The following VPS35L variants were observed in gnomAD, a reference collection of about 807,000 sequenced individuals.
VPS35L encodes VPS35 endosomal protein sorting factor like, also known as VPS35 endosomal protein-sorting factor-like.
Under a neutral mutation model 133.0 loss-of-function variants are expected in VPS35L, and 83 were observed. The ratio of observed to expected loss-of-function variants is 0.62; its 90% CI spans 0.52 to 0.75. The LOEUF is 0.75. Among genes scored for constraint, VPS35L ranks in the 30% least tolerant of loss-of-function variants. VPS35L has a pLI of 0.00. For missense variants in VPS35L, 1,083 were observed against 1,206.8 expected, an observed-to-expected ratio of 0.90 and a Z score of 1.52; for synonymous variants, 423 against 449.9, an observed-to-expected ratio of 0.94 and a Z score of 0.76.
intron 19 of VPS35L, among the ~76,000 whole-genome samples, chr16:19,636,638 G>A (rs189156341): frequency 2.8e-4 from 43 of 152,248 alleles, no homozygotes; most frequent in African/African-American, 7.5e-4. Flanking sequence ...GGCACATAAC[G>A]TTCTTCATGT....
chr16:19,562,603 A>C (rs138610536), intron 1 of VPS35L, among the ~76,000 whole-genome samples: 452 of 152,278 alleles, frequency 3.0e-3, no homozygotes, highest in Non-Finnish European at 4.9e-3. Flanking sequence ...TTGCATAAAC[A>C]ATTTGGTTAA....
intron 26 of VPS35L, 67 bp downstream of exon 26, chr16:19,652,157 C>A (rs549647689): frequency 9.2e-7 from 1 of 1,083,410 alleles, no homozygotes; most frequent in Non-Finnish European, 1.4e-6. Flanking sequence ...CAGGTGTGTG[C>A]GTATGTGTGT....
chr16:19,595,434 G>A (rs114368338), intron 8 of VPS35L, among the ~76,000 whole-genome samples: 6,180 of 152,118 alleles, frequency 0.041, 443 homozygotes, highest in African/African-American at 0.14. Context: ...GCTTACCTTC[G>A]GCGAGTGTGA....
chr16:19,578,020 C>T (rs1971587993), intron 5 of VPS35L, among the ~76,000 whole-genome samples: 1 of 152,214 alleles, frequency 6.6e-6, no homozygotes, highest in Admixed American at 6.5e-5. Flanking sequence ...TCCAGCATTC[C>T]ACTACTAGGG....
chr16:19,595,680 C>CT, intron 8 of VPS35L, among the ~76,000 whole-genome samples: 1 of 152,374 alleles, frequency 6.6e-6, no homozygotes, highest in Non-Finnish European at 1.5e-5. Context: ...GGCAGCCACT[C>CT]TGCCAGCTCC....
chr16:19,663,669 CTTTTTTTT>C (rs59826351), intron 26 of VPS35L, among the ~76,000 whole-genome samples: 3 of 63,918 alleles, frequency 4.7e-5, no homozygotes, highest in African/African-American at 7.2e-5. Context: ...GCAGTAATTT[CTTTTTTTT>C]TTTTTTTTTT....
At chr16:19,584,339 C>G (rs1398193637) in intron 7 of VPS35L, among the ~76,000 whole-genome samples, 3 of 152,040 alleles carry the variant, frequency 2.0e-5, no homozygotes, top group Admixed American at 2.0e-4. Context: ...TAAGAGTTCC[C>G]TTTTCGGCTG....
intron 25 of VPS35L, among the ~76,000 whole-genome samples, chr16:19,651,117 A>G (rs1482408578): frequency 2.0e-5 from 3 of 152,092 alleles, no homozygotes; most frequent in Admixed American, 6.5e-5. Flanking sequence ...CCTGTCCTCA[A>G]GTGATCTGCC....
chr16:19,641,649 T>C (rs750872952), intron 21 of VPS35L, among the ~76,000 whole-genome samples: 1 of 152,212 alleles, frequency 6.6e-6, no homozygotes, highest in Non-Finnish European at 1.5e-5. Context: ...ATATACCTAA[T>C]TTACTTACCT....
rs539705030 is a variant in VPS35L at position 19,645,011 on chromosome 16, G to A, written c.1929+62G>A. 7.8e-5 allele frequency: 93 copies of A among 1,185,446 alleles called. 2 individuals carry two copies. The South Asian group carries it at 1.3e-3, about 16-fold the overall frequency. 73.4% of individuals were successfully genotyped at this position (1,185,446 alleles called of 1,614,324 possible). A position where few individuals can be genotyped will look rare whatever the true frequency, so the allele number is the denominator to read the frequency against. On this transcript the variant is annotated intron_variant, in intron 23 of 30. Transcript: ENST00000417362. ...GTGTGATGTAATTGTTTATCCTTAT[G>A]TTGGCGAAAGCAGTTAACATTATGT...
rs185008050 is a variant in VPS35L at position 19,555,857 on chromosome 16, C to T, written c.17+111C>T. 5.9e-5 allele frequency: 84 copies of T among 1,418,570 alleles called. No individual in the cohort carries two copies. In the African/African-American group the frequency reaches 9.3e-4, roughly 16 times the overall value. The allele number at this position is 1,418,570 out of a possible 1,614,324, so 87.9% of individuals were successfully genotyped here. A position where few individuals can be genotyped will look rare whatever the true frequency, so the allele number is the denominator to read the frequency against. Reference sequence around the variant, plus strand: ...TCTCTGTCGGGTTCTGGTGGTCGACCGGCCACCCCCAAGTTGTCTTGACCG... The same window carrying T: ...TCTCTGTCGGGTTCTGGTGGTCGACTGGCCACCCCCAAGTTGTCTTGACCG... On this transcript the variant is annotated intron_variant, in intron 1 of 30. Coordinates refer to ENST00000417362, the MANE Select transcript of VPS35L (RefSeq NM_020314.7).
rs551457972 is a variant in VPS35L at position 19,595,027 on chromosome 16, T to C, written c.724+3153T>C. ...TGGGAGCATTGGGAGCATGCCAGGC[T>C]GGCCTGAGAACCAAGGAGGCCAAGA... On this transcript the variant is annotated intron_variant, in intron 8 of 30. Transcript: ENST00000417362. 1.0e-3 allele frequency among the ~76,000 whole-genome samples: 153 copies of C among 152,206 alleles called. No individual in the cohort carries two copies. The Middle Eastern group carries it at 0.014, about 14-fold the overall frequency.
rs570866277 is a variant in VPS35L at position 19,570,999 on chromosome 16, G to A, written c.285+1408G>A. 2.9e-3 allele frequency among the ~76,000 whole-genome samples: 432 copies of A among 150,508 alleles called. 1 individual carries two copies. Among genetic ancestry groups the A allele is most frequent in the Non-Finnish European group, 4.7e-3 (320 of 67,444 alleles). ...AGCGATTCTCCTGCCTCAGCCTTCCGAGTGGCTGGGACTACAGGCACGTGC... is the reference window on the plus strand; with the variant it reads ...AGCGATTCTCCTGCCTCAGCCTTCCAAGTGGCTGGGACTACAGGCACGTGC... On this transcript the variant is annotated intron_variant, in intron 3 of 30. Coordinates refer to ENST00000417362, the MANE Select transcript of VPS35L (RefSeq NM_020314.7).
chr16:19,634,150 G>T (rs967726652), intron 19 of VPS35L, among the ~76,000 whole-genome samples: 9 of 151,814 alleles, frequency 5.9e-5, no homozygotes, highest in African/African-American at 1.7e-4. Flanking sequence ...GTCACATTTT[G>T]CTTCTAAAGA....
In VPS35L at chr16:19,568,837, GA is replaced by G. The variant is rs1292629470; in HGVS notation, c.118-586del. 2.0e-5 allele frequency among the ~76,000 whole-genome samples: 3 copies of G among 152,232 alleles called. No homozygotes were observed. In the East Asian group the frequency reaches 5.8e-4, roughly 29 times the overall value. ...ATTTTCATATCTTTTGTAGAGATAG[GA>G]CTTCACCATGTTGCCCAGGCTGGTC... On this transcript the variant is annotated intron_variant, in intron 2 of 30. Coordinates refer to ENST00000417362, the MANE Select transcript of VPS35L (RefSeq NM_020314.7).
intron 17 of VPS35L, among the ~76,000 whole-genome samples, 188 bp from the exon 18 acceptor site, chr16:19,629,579 C>T (rs375044906): frequency 1.4e-4 from 22 of 152,182 alleles, no homozygotes; most frequent in Middle Eastern, 3.4e-3. Context: ...TATAACAGTT[C>T]GTAAGATTTA....
In VPS35L at chr16:19,586,916, T is replaced by A. The variant is rs368817870; in HGVS notation, c.640-4874T>A. On this transcript the variant is annotated intron_variant, in intron 7 of 30. Transcript: ENST00000417362. Reference sequence around the variant, plus strand: ...AAAAGACTATTGTATTAGTCCATTCTTGCATTGCTATAAAGAACTACCTGA... The same window carrying A: ...AAAAGACTATTGTATTAGTCCATTCATGCATTGCTATAAAGAACTACCTGA... Among the ~76,000 whole-genome samples the A allele has an allele frequency of 3.2e-4, 48 of 152,330 alleles. No homozygotes were observed. The East Asian group carries it at 4.6e-3, about 15-fold the overall frequency.
chr16:19,688,154 T>C (rs952097940), intron 28 of VPS35L, among the ~76,000 whole-genome samples: 1 of 151,950 alleles, frequency 6.6e-6, no homozygotes, highest in African/African-American at 2.4e-5. Context: ...CTCAAACTCC[T>C]GAGCTCAAGT....
chr16:19,627,594 A>G, intron 15 of VPS35L, 100 bp from the exon 16 acceptor site: 1 of 936,822 alleles, frequency 1.1e-6, no homozygotes. Context: ...CCCTACCGCT[A>G]AAGAGCTGTT....
Sources: allele counts gnomAD v4.1 joint callset (sites outside exome capture counted in the v4.1 genomes callset), GRCh38; gene constraint gnomAD v4.1.1; transcripts MANE v1.5; gene names NCBI Gene and HGNC (gene_info 2026-07-23, HGNC 2026-07-21).